The following SLC39A12 variants were observed in gnomAD, a reference collection of about 807,000 sequenced individuals.
SLC39A12 encodes the protein solute carrier family 39 member 12, also known as zinc transporter ZIP12.
A neutral mutation model predicts 71.1 loss-of-function variants in SLC39A12; 63 were observed. The observed-to-expected ratio is 0.89, with a 90% CI of 0.72 to 1.09. SLC39A12 has a LOEUF of 1.09. Ranked by LOEUF, SLC39A12 falls within the 50% of genes least tolerant of loss-of-function variation. The pLI is 0.00. For synonymous variants in SLC39A12, 351 were observed against 301.3 expected (o/e 1.16, Z -1.71); for missense variants, 892 against 812.6 (o/e 1.10, Z -1.19).
chr10:18,030,148 G>A (rs1836796848), intron 12 of SLC39A12, among the ~76,000 whole-genome samples: 1 of 152,048 alleles, frequency 6.6e-6, no homozygotes, highest in Admixed American at 6.6e-5. Context: ...AGTTCACATA[G>A]GCCACCGAAA....
chr10:18,019,581 T>A (rs1193572729), intron 12 of SLC39A12, among the ~76,000 whole-genome samples: 1 of 152,076 alleles, frequency 6.6e-6, no homozygotes, highest in South Asian at 2.1e-4. Context: ...TTCACTCTTA[T>A]CTCACACATT....
intron 12 of SLC39A12, among the ~76,000 whole-genome samples, chr10:18,006,060 A>G (rs756997495): frequency 6.6e-6 from 1 of 152,204 alleles, no homozygotes; most frequent in Non-Finnish European, 1.5e-5. Flanking sequence ...TGAAACAGTA[A>G]AGAAAATAAA....
intron 12 of SLC39A12, among the ~76,000 whole-genome samples, chr10:18,041,821 A>G (rs1440615962): frequency 7.4e-6 from 1 of 135,742 alleles, no homozygotes; most frequent in Non-Finnish European, 1.6e-5. Context: ...GTATACGTAT[A>G]TGTATGTACA....
chr10:18,001,163 T>A (rs148359383), intron 11 of SLC39A12, among the ~76,000 whole-genome samples: 135 of 152,198 alleles, frequency 8.9e-4, no homozygotes, highest in African/African-American at 3.0e-3. Flanking sequence ...AGAAAAATAT[T>A]AGGAGGGGAA....
intron 3 of SLC39A12, among the ~76,000 whole-genome samples, chr10:17,962,451 A>G (rs1350372291): frequency 6.6e-6 from 1 of 151,922 alleles, no homozygotes; most frequent in Non-Finnish European, 1.5e-5. Context: ...TTACTATTCT[A>G]GCAAAACTGG....
At chr10:18,028,876 C>G (rs1350021708) in intron 12 of SLC39A12, among the ~76,000 whole-genome samples, 1 of 152,130 alleles carries the variant, frequency 6.6e-6, no homozygotes, top group Non-Finnish European at 1.5e-5. Flanking sequence ...CCTGCCACCA[C>G]ACTCGGCTAA....
intron 12 of SLC39A12, among the ~76,000 whole-genome samples, chr10:18,035,875 C>T (rs191494446): frequency 0.012 from 1,780 of 152,178 alleles, 15 homozygotes; most frequent in Admixed American, 0.025. Flanking sequence ...CAGACAGGAC[C>T]CTCAGCTGCA....
rs782220089 is a variant in SLC39A12, at chr10:17,961,879, G to C, written c.543+17G>C. Reference sequence around the variant, plus strand: ...CAAAGCCAGGTAAGAAGGCAAAATTGCTAACTGGCTCTGCTGCTAAGATAC... The same window carrying C: ...CAAAGCCAGGTAAGAAGGCAAAATTCCTAACTGGCTCTGCTGCTAAGATAC... On this transcript the variant is annotated intron_variant, in intron 3 of 12. Transcript: ENST00000377369. 9.4e-6 allele frequency: 15 copies of C among 1,604,258 alleles called. No homozygotes were observed. Among genetic ancestry groups the C allele is most frequent in the African/African-American group, 1.3e-5 (1 of 74,420 alleles).
chr10:17,963,510 C>T (rs549133656), intron 3 of SLC39A12, among the ~76,000 whole-genome samples: 4 of 152,334 alleles, frequency 2.6e-5, no homozygotes, highest in South Asian at 2.1e-4. Flanking sequence ...CAGCTAGTTT[C>T]GGTCATTAAG....
chr10:17,977,948 C>A lies in SLC39A12; in HGVS notation c.798C>A (p.Ile266=), dbSNP rs147028530. The A allele has an allele frequency of 7.4e-6, 12 of 1,611,172 alleles. No individual in the cohort carries two copies. In the East Asian group the frequency reaches 2.5e-4, roughly 33 times the overall value. ...CTCTCTGGACCAGAAGTACTTGTAT[C>A]AAAAATGAGAAAATCCATCAATTTC... ...LNTLWTRSTC[I]KNEKIHQFQR... Residue 266 remains isoleucine, a synonymous_variant, in exon 5 of 13, where the codon ATC becomes ATA. Transcript: ENST00000377369.
intron 12 of SLC39A12, among the ~76,000 whole-genome samples, chr10:18,005,005 A>T (rs1052602304): frequency 6.8e-6 from 1 of 146,364 alleles, no homozygotes; most frequent in African/African-American, 2.5e-5. Flanking sequence ...GTTCTCACTT[A>T]TAAGTGGGAG....
Position 17,965,696 on chromosome 10 carries a change from G to C in SLC39A12, c.751+6G>C, listed in dbSNP as rs779778226. The C allele has an allele frequency of 6.2e-7, 1 of 1,604,262 alleles. No homozygotes were observed. Among genetic ancestry groups the C allele is most frequent in the East Asian group, 2.2e-5 (1 of 44,634 alleles). On this transcript the variant is annotated splice_donor_region_variant and intron_variant, in intron 4 of 12. Transcript: ENST00000377369. ...GAATACCCTCCGCCTATCAGGTAAG[G>C]ATGTTTTCACGAATTTAACTTCCAA... is the stretch of plus-strand genomic sequence containing the variant.
At chr10:17,987,381 C>A in intron 6 of SLC39A12, 98 bp from the exon 7 acceptor site, 2 of 1,033,620 alleles carry the variant, frequency 1.9e-6, no homozygotes, top group East Asian at 2.4e-5. Flanking sequence ...TCCCTACTGG[C>A]TGTTACTGTA....
intron 12 of SLC39A12, among the ~76,000 whole-genome samples, chr10:18,028,666 C>T (rs763997742): frequency 3.9e-5 from 6 of 152,084 alleles, no homozygotes; most frequent in African/African-American, 7.2e-5. Context: ...TTTAAAGCTT[C>T]GACTTGACTA....
At chr10:17,995,570 C>T in intron 9 of SLC39A12, 86 bp from the exon 10 acceptor site, 1 of 1,232,346 alleles carries the variant, frequency 8.1e-7, no homozygotes, top group Non-Finnish European at 1.2e-6. Context: ...CTTTTAAAAA[C>T]CCATGTAACT....
intron 12 of SLC39A12, among the ~76,000 whole-genome samples, chr10:18,008,144 G>T (rs1836085909): frequency 6.6e-6 from 1 of 152,200 alleles, no homozygotes; most frequent in South Asian, 2.1e-4. Flanking sequence ...CCCTGGTCCT[G>T]TTAGGAACGA....
intron 12 of SLC39A12, among the ~76,000 whole-genome samples, chr10:18,024,253 G>A (rs1013502604): frequency 6.6e-6 from 1 of 152,088 alleles, no homozygotes; most frequent in Non-Finnish European, 1.5e-5. Context: ...AGCTAAGACA[G>A]CTGGTGCCAT....
At chr10:17,958,601 G>A (rs1214440497) in intron 2 of SLC39A12, among the ~76,000 whole-genome samples, 3 of 152,118 alleles carry the variant, frequency 2.0e-5, no homozygotes, top group South Asian at 2.1e-4. Flanking sequence ...CCTGTTCTTC[G>A]AAGAGCAGGA....
intron 11 of SLC39A12, among the ~76,000 whole-genome samples, chr10:18,001,195 A>G (rs1455944680): frequency 6.6e-6 from 1 of 152,176 alleles, no homozygotes; most frequent in African/African-American, 2.4e-5. Flanking sequence ...ATGTCAGCAC[A>G]TGGGCCAGTA....
Sources: gnomAD v4.1 joint callset for allele counts (sites outside exome capture counted in the v4.1 genomes callset) on GRCh38, gnomAD v4.1.1 for gene constraint, MANE v1.5 for transcripts, NCBI Gene and HGNC (gene_info 2026-07-23, HGNC 2026-07-21) for gene names.